Variants in CADPS2 observed in about 807,000 individuals in gnomAD.
The protein encoded by CADPS2 is calcium dependent secretion activator 2.
CADPS2 carries 93 observed loss-of-function variants against 172.5 expected under a neutral mutation model. The observed-to-expected ratio is 0.54, with a 90% confidence interval of 0.46 to 0.64. The LOEUF is 0.64. Among genes scored for constraint, CADPS2 ranks in the 30% least tolerant of loss-of-function variants. The pLI is 0.00. For synonymous variants in CADPS2, 546 were observed against 555.2 expected (o/e 0.98, Z 0.23); for missense variants, 1,420 against 1,565.9 (o/e 0.91, Z 1.57).
chr7:122,674,654 C>T lies in CADPS2; in HGVS notation c.454-11085G>A, dbSNP rs144290999. On this transcript the variant is annotated intron_variant, in intron 2 of 29. Coordinates refer to ENST00000449022, the MANE Select transcript of CADPS2 (RefSeq NM_017954.11). Reference sequence around the variant, plus strand: ...TTTCCACAGAAGCCCTTATTGTTCACACATTGCTGTTGATTTGAACCATGC... The same window carrying T: ...TTTCCACAGAAGCCCTTATTGTTCATACATTGCTGTTGATTTGAACCATGC... 3.9e-5 allele frequency among the ~76,000 whole-genome samples: 6 copies of T among 152,342 alleles called. No homozygotes were observed. In the East Asian group the frequency reaches 1.2e-3, roughly 29 times the overall value.
chr7:122,380,474 T>G (rs1019941946), intron 24 of CADPS2, among the ~76,000 whole-genome samples: 1 of 152,088 alleles, frequency 6.6e-6, no homozygotes, highest in East Asian at 1.9e-4. Flanking sequence ...CTATTTTTTT[T>G]TTTTGTGCTG....
At chr7:122,831,904 G>GA (rs1247544184) in intron 1 of CADPS2, among the ~76,000 whole-genome samples, 5 of 152,046 alleles carry the variant, frequency 3.3e-5, no homozygotes, top group Non-Finnish European at 7.4e-5. Flanking sequence ...AATCTAGAGA[G>GA]AAAAAAACTA....
intron 1 of CADPS2, among the ~76,000 whole-genome samples, chr7:122,803,990 A>AC (rs1182787271): frequency 6.7e-6 from 1 of 149,456 alleles, no homozygotes; most frequent in Non-Finnish European, 1.5e-5. Flanking sequence ...AAAAAAAAAA[A>AC]AAAAAAAACA....
intron 2 of CADPS2, among the ~76,000 whole-genome samples, chr7:122,707,222 G>T (rs557812001): frequency 5.9e-5 from 9 of 151,820 alleles, no homozygotes; most frequent in Non-Finnish European, 1.3e-4. Flanking sequence ...TCTGTTAATG[G>T]GGACACAACA....
chr7:122,588,339 A>C (rs2070126308), intron 6 of CADPS2, among the ~76,000 whole-genome samples: 1 of 151,962 alleles, frequency 6.6e-6, no homozygotes, highest in Non-Finnish European at 1.5e-5. Context: ...TGGGTTTTAC[A>C]TTTAAATCTT....
At chr7:122,582,306 A>G (rs926288458) in intron 6 of CADPS2, among the ~76,000 whole-genome samples, 1 of 152,148 alleles carries the variant, frequency 6.6e-6, no homozygotes, top group Admixed American at 6.6e-5. Flanking sequence ...TAAAGCAGGT[A>G]TAATAAAAAT....
At chr7:122,676,721 TG>T in intron 2 of CADPS2, 1 of 1,558,572 alleles carries the variant, frequency 6.4e-7, no homozygotes, top group Non-Finnish European at 8.7e-7. Context: ...AGGAAGGACA[TG>T]GGGCCAACTC....
intron 2 of CADPS2, among the ~76,000 whole-genome samples, chr7:122,677,765 C>T (rs1367863623): frequency 6.6e-6 from 1 of 152,128 alleles, no homozygotes; most frequent in Non-Finnish European, 1.5e-5. Context: ...CTAGAGCTCC[C>T]TTTTTCACCA....
Position 122,416,067 on chromosome 7 carries a change from A to G in CADPS2, c.2574T>C (p.His858=), listed in dbSNP as rs564323908. 7.9e-6 allele frequency: 12 copies of G among 1,525,554 alleles called. No individual in the cohort carries two copies. Among genetic ancestry groups the G allele is most frequent in the African/African-American group, 5.5e-5 (4 of 73,186 alleles). The allele number at this position is 1,525,554 out of a possible 1,614,324, so 94.5% of individuals were successfully genotyped here. A position where few individuals can be genotyped will look rare whatever the true frequency, so the allele number is the denominator to read the frequency against. ...IEVLQQNEEH[H]AEGREAFAWW... Reference sequence around the variant, plus strand: ...AGTGAAAACAGGTCATCACCTCTGCATGATGCTCTTCATTCTGCTGTAAGA... The same window carrying G: ...AGTGAAAACAGGTCATCACCTCTGCGTGATGCTCTTCATTCTGCTGTAAGA... Residue 858 remains histidine (H), a synonymous_variant, in exon 18 of 30, where the codon CAT becomes CAC. Transcript: ENST00000449022.
chr7:122,356,628 A>G (rs568498923), intron 27 of CADPS2, among the ~76,000 whole-genome samples: 127 of 152,238 alleles, frequency 8.3e-4, no homozygotes, highest in African/African-American at 2.9e-3. Flanking sequence ...TCTGCATGGG[A>G]GAGCTGTCTT....
intron 1 of CADPS2, among the ~76,000 whole-genome samples, chr7:122,843,268 A>T (rs1057220625): frequency 6.6e-6 from 1 of 152,144 alleles, no homozygotes; most frequent in Non-Finnish European, 1.5e-5. Flanking sequence ...GTAATCACAT[A>T]GTAGATGAAA....
At chr7:122,706,937 C>T (rs955268378) in intron 2 of CADPS2, among the ~76,000 whole-genome samples, 2 of 150,916 alleles carry the variant, frequency 1.3e-5, no homozygotes, top group South Asian at 2.1e-4. Flanking sequence ...CCTTGGAAAC[C>T]GGAGTGGAAT....
chr7:122,761,996 CAAAA>C (rs1163039605), intron 1 of CADPS2, among the ~76,000 whole-genome samples: 1,859 of 66,806 alleles, frequency 0.028, 35 homozygotes, highest in African/African-American at 0.081. Context: ...GACTCTGCCT[CAAAA>C]AAAAAAAAAA....
intron 2 of CADPS2, among the ~76,000 whole-genome samples, chr7:122,726,911 T>A (rs546614943): frequency 7.2e-5 from 11 of 152,042 alleles, no homozygotes; most frequent in African/African-American, 2.2e-4. Flanking sequence ...CTAAATAACT[T>A]CCTGAGGAAA....
intron 24 of CADPS2, among the ~76,000 whole-genome samples, chr7:122,380,354 T>C (rs1195912828): frequency 6.6e-6 from 1 of 152,126 alleles, no homozygotes; most frequent in East Asian, 1.9e-4. Context: ...GTTCAAGGCT[T>C]CTTGGAACAG....
At chr7:122,578,323 C>T in intron 7 of CADPS2, among the ~76,000 whole-genome samples, 1 of 152,016 alleles carries the variant, frequency 6.6e-6, no homozygotes, top group Non-Finnish European at 1.5e-5. Flanking sequence ...GATTAAAACA[C>T]ATGTAACAAC....
At chr7:122,866,030 T>C (rs573313689) in intron 1 of CADPS2, among the ~76,000 whole-genome samples, 1 of 152,328 alleles carries the variant, frequency 6.6e-6, no homozygotes, top group East Asian at 1.9e-4. Context: ...ACATTAATAG[T>C]TAAAAGAATT....
At chr7:122,432,465 C>T (rs557610035) in intron 17 of CADPS2, among the ~76,000 whole-genome samples, 37 of 151,668 alleles carry the variant, frequency 2.4e-4, no homozygotes, top group African/African-American at 8.7e-4. Context: ...CATGGTGAAA[C>T]CCCATCTCTA....
intron 9 of CADPS2, among the ~76,000 whole-genome samples, chr7:122,500,556 C>T (rs1308784353): frequency 1.3e-5 from 2 of 152,136 alleles, no homozygotes; most frequent in Non-Finnish European, 2.9e-5. Flanking sequence ...TAAACATCCC[C>T]TCATGCAAGT....
Sources: allele counts gnomAD v4.1 joint callset (sites outside exome capture counted in the v4.1 genomes callset), GRCh38; gene constraint gnomAD v4.1.1; transcripts MANE v1.5; gene names NCBI Gene and HGNC (gene_info 2026-07-23, HGNC 2026-07-21).